The following DNMT3A variants were observed in gnomAD, a reference collection of about 807,000 sequenced individuals.
DNMT3A encodes the protein DNA methyltransferase 3 alpha.
In DNMT3A, 267 loss-of-function variants were observed where a neutral mutation model predicts 117.6. The observed-to-expected ratio is 2.27, with a 90% confidence interval of 2.05 to 2.51. The LOEUF (loss-of-function observed/expected upper bound fraction) is 2.51, where lower values mean the gene tolerates loss of function less well. Among genes scored for constraint, DNMT3A ranks in the 30% most tolerant of loss-of-function variants. DNMT3A has a pLI of 0.00. For synonymous variants in DNMT3A, 432 were observed against 474.8 expected (o/e 0.91, Z 1.17); for missense variants, 1,029 against 1,260.2 (o/e 0.82, Z 2.78).
Position 25,307,479 on chromosome 2 carries a change from T to C in DNMT3A, c.72+6434A>G, listed in dbSNP as rs1020539270. Among the ~76,000 whole-genome samples the C allele has an allele frequency of 3.2e-3, 485 of 149,666 alleles. 9 individuals are homozygous for C. Among genetic ancestry groups the C allele is most frequent in the East Asian group, 0.026 (131 of 5,108 alleles). The stretch of plus-strand genomic sequence containing the variant: ...CGCAGCTTTTTTTTTTTTTTTTTTT[T>C]TTTGAGATGGAGTTTTGCTCTTGCC... On this transcript the variant is annotated intron_variant, in intron 2 of 22. Coordinates refer to ENST00000321117, the MANE Select transcript of DNMT3A (RefSeq NM_022552.5).
rs3039391 is a variant in DNMT3A, at chr2:25,300,712, A to AATATATAT, written c.73-477_73-470dup. Among the ~76,000 whole-genome samples the AATATATAT allele has an allele frequency of 2.6e-4, 5 of 18,920 alleles. 1 individual carries two copies. Among genetic ancestry groups the AATATATAT allele is most frequent in the Admixed American group, 1.8e-3 (2 of 1,122 alleles). The allele number at this position is 18,920 out of a possible 152,430, so 12.4% of individuals were successfully genotyped here. ...ATATATTTATATATCTAAATAATATAATATATATATATATATATATATATA... is the reference window on the plus strand; with the variant it reads ...ATATATTTATATATCTAAATAATATAATATATATATATATATATATATATATATATATA... On this transcript the variant is annotated intron_variant, in intron 2 of 22. Transcript: ENST00000321117.
intron 4 of DNMT3A, among the ~76,000 whole-genome samples, chr2:25,280,883 T>C (rs1481340042): frequency 1.3e-5 from 2 of 152,164 alleles, no homozygotes; most frequent in African/African-American, 4.8e-5. Flanking sequence ...GCTTTGGGGC[T>C]ATGGCTCCAT....
In DNMT3A at chr2:25,252,226, CGCTCAGGTGTGA is replaced by C; in HGVS notation, c.640-3986_640-3975del. On this transcript the variant is annotated intron_variant, in intron 6 of 22. Coordinates refer to ENST00000321117, the MANE Select transcript of DNMT3A (RefSeq NM_022552.5). The surrounding 1 kb of genome is among the most constrained non-coding windows in gnomAD (Gnocchi z 5.5). The stretch of plus-strand genomic sequence containing the variant: ...GCCAGGTGCAGCCCCTCTGCAGTCG[CGCTCAGGTGTGA>C]GCCGCGGCCCTGAAGCTCTGGAAGT... 2 of 1,548,746 alleles carry C rather than the reference CGCTCAGGTGTGA, an allele frequency of 1.3e-6. No individual in the cohort carries two copies. Among genetic ancestry groups the C allele is most frequent in the Non-Finnish European group, 1.7e-6 (2 of 1,148,468 alleles).
chr2:25,313,877 C>G (rs1041534398), intron 2 of DNMT3A, 36 bp downstream of exon 2: 2 of 1,548,918 alleles, frequency 1.3e-6, no homozygotes, highest in Non-Finnish European at 8.7e-7. Context: ...CTCCCTCTCC[C>G]AGGCCAGAGG....
Position 25,241,559 on chromosome 2 carries a change from T to A in DNMT3A, c.2082+3A>T, listed in dbSNP as rs762592635. 1.9e-6 allele frequency: 3 copies of A among 1,612,450 alleles called. No individual in the cohort carries two copies. The highest frequency in any genetic ancestry group is 1.7e-5 in the Admixed American group (1 of 59,616). ...CGGGCTGCGCCCCACAGCATGGACA[T>A]ACATGCTTCTGTGTGACGCTGCGGA... On this transcript the variant is annotated splice_donor_region_variant and intron_variant, in intron 17 of 22. Coordinates refer to ENST00000321117, the MANE Select transcript of DNMT3A (RefSeq NM_022552.5).
At chr2:25,340,494 G>C (rs915520248) in intron 1 of DNMT3A, among the ~76,000 whole-genome samples, 78 of 152,018 alleles carry the variant, frequency 5.1e-4, no homozygotes, top group Non-Finnish European at 7.7e-4. Flanking sequence ...CCCTGGACCC[G>C]CGCCAGCCCG....
chr2:25,305,160 C>T lies in DNMT3A; in HGVS notation c.73-4917G>A, dbSNP rs780570349. ...AAACCCGTACAAATACAACTGTGTA[C>T]GAGGTTCCAGTGCCTCTCGGATCTT... is the stretch of plus-strand genomic sequence containing the variant. On this transcript the variant is annotated intron_variant, in intron 2 of 22. Transcript: ENST00000321117. This position sits in a 1 kb window ranked among gnomAD's most constrained non-coding sequence, Gnocchi z 4.1. 1.2e-4 allele frequency among the ~76,000 whole-genome samples: 19 copies of T among 152,230 alleles called. No individual in the cohort carries two copies. Among genetic ancestry groups the T allele is most frequent in the Non-Finnish European group, 2.6e-4 (18 of 68,048 alleles).
intron 3 of DNMT3A, among the ~76,000 whole-genome samples, chr2:25,283,406 A>G (rs2032045342): frequency 6.7e-6 from 1 of 150,254 alleles, no homozygotes; most frequent in Non-Finnish European, 1.5e-5. Flanking sequence ...CCCATAATCC[A>G]ATAAGACCCC....
At chr2:25,275,122 TG>T (rs747092382) in intron 5 of DNMT3A, 35 bp from the exon 6 acceptor site, 123 of 1,531,850 alleles carry the variant, frequency 8.0e-5, no homozygotes, top group Middle Eastern at 1.7e-4. Context: ...GGCATTAGGG[TG>T]GGCACTGACG....
In DNMT3A at chr2:25,294,552, G is replaced by A. The variant is rs1056906252; in HGVS notation, c.177+5587C>T. 6.6e-6 allele frequency among the ~76,000 whole-genome samples: 1 copy of A among 152,184 alleles called. No homozygotes were observed. The highest frequency in any genetic ancestry group is 2.4e-5 in the African/African-American group (1 of 41,420). On this transcript the variant is annotated intron_variant, in intron 3 of 22. Transcript: ENST00000321117. The surrounding 1 kb of genome is among the most constrained non-coding windows in gnomAD (Gnocchi z 4.7). ...GGTAGGGGCACCATATCACCCAGCC[G>A]AGGTCCGGAGGGTTAGCCCAGGAGC... is the stretch of plus-strand genomic sequence containing the variant.
At chr2:25,291,190 A>G (rs999498456) in intron 3 of DNMT3A, among the ~76,000 whole-genome samples, 1 of 152,208 alleles carries the variant, frequency 6.6e-6, no homozygotes, top group African/African-American at 2.4e-5. Flanking sequence ...TCAGCTCTGC[A>G]GGCCCATCAC....
At chr2:25,273,956 C>T (rs1252350088) in intron 6 of DNMT3A, among the ~76,000 whole-genome samples, 1 of 152,226 alleles carries the variant, frequency 6.6e-6, no homozygotes, top group African/African-American at 2.4e-5. Context: ...TGTTCTGAGA[C>T]TTCGTCTCTC....
At chr2:25,264,644 A>C (rs980561622) in intron 6 of DNMT3A, among the ~76,000 whole-genome samples, 1 of 151,148 alleles carries the variant, frequency 6.6e-6, no homozygotes, top group African/African-American at 2.4e-5. Flanking sequence ...TTGTATTTTT[A>C]GTAGAGAGGG....
At chr2:25,271,797 T>C (rs1294039649) in intron 6 of DNMT3A, among the ~76,000 whole-genome samples, 1 of 152,232 alleles carries the variant, frequency 6.6e-6, no homozygotes, top group Non-Finnish European at 1.5e-5. Flanking sequence ...TTAAATTAAA[T>C]CAACATTTTG....
In DNMT3A at chr2:25,248,544, GTTAT is replaced by G. The variant is rs533751869; in HGVS notation, c.640-296_640-293del. On this transcript the variant is annotated intron_variant, in intron 6 of 22. Transcript: ENST00000321117. ...GTTGCCTACCCTATGATACGGAAAT[GTTAT>G]TTATTTATTTTTTTTTTTGGAGACA... Among the ~76,000 whole-genome samples the G allele has an allele frequency of 3.8e-3, 570 of 149,314 alleles. 4 individuals carry two copies. The highest frequency in any genetic ancestry group is 0.013 in the African/African-American group (541 of 41,324).
At chr2:25,310,755 C>A (rs1052188653) in intron 2 of DNMT3A, among the ~76,000 whole-genome samples, 2 of 152,194 alleles carry the variant, frequency 1.3e-5, no homozygotes, top group Non-Finnish European at 2.9e-5. Flanking sequence ...TAGCAGTGGG[C>A]AGAAGTTATC....
At chr2:25,290,320 ATTT>A (rs1249490029) in intron 3 of DNMT3A, among the ~76,000 whole-genome samples, 4 of 126,506 alleles carry the variant, frequency 3.2e-5, no homozygotes, top group Admixed American at 7.8e-5. Context: ...TATGGAAGTG[ATTT>A]TTTTTTTTTT....
chr2:25,246,922 G>A (rs751046645), intron 9 of DNMT3A, 129 bp downstream of exon 9: 35 of 1,464,934 alleles, frequency 2.4e-5, no homozygotes, highest in East Asian at 1.6e-4. Flanking sequence ...GCATACGGGC[G>A]AGCGAGGTGG....
intron 6 of DNMT3A, among the ~76,000 whole-genome samples, chr2:25,260,808 G>C (rs1242819445): frequency 6.6e-6 from 1 of 152,140 alleles, no homozygotes; most frequent in East Asian, 1.9e-4. Context: ...AGGATGCGGG[G>C]TGGTCGCAGG....
Sources: gnomAD v4.1 joint callset for allele counts (sites outside exome capture counted in the v4.1 genomes callset) on GRCh38, gnomAD v4.1.1 for gene constraint, Gnocchi (gnomAD v3.1) non-coding constraint, MANE v1.5 for transcripts, NCBI Gene and HGNC (gene_info 2026-07-23, HGNC 2026-07-21) for gene names.